Variants in SPON1 observed in about 807,000 individuals in gnomAD.
SPON1 encodes the protein spondin-1.
In SPON1, 52 loss-of-function variants were observed where a neutral mutation model predicts 111.7. The observed-to-expected ratio is 0.47, with a 90% CI of 0.37 to 0.59. SPON1 has a LOEUF of 0.59. Ranked by LOEUF, SPON1 falls within the 20% of genes least tolerant of loss-of-function variation. The pLI is 0.00. For synonymous variants in SPON1, 410 were observed against 395.8 expected (o/e 1.04, Z -0.43); for missense variants, 957 against 1,068.5 (o/e 0.90, Z 1.46).
chr11:14,191,033 A>G (rs1419449054), intron 6 of SPON1, among the ~76,000 whole-genome samples: 2 of 152,216 alleles, frequency 1.3e-5, no homozygotes, highest in African/African-American at 4.8e-5. Flanking sequence ...AAAAAAGAGC[A>G]TTGTTCTAAA....
intron 2 of SPON1, among the ~76,000 whole-genome samples, chr11:13,990,997 C>A (rs1192193603): frequency 6.6e-6 from 1 of 152,092 alleles, no homozygotes; most frequent in Non-Finnish European, 1.5e-5. Flanking sequence ...CTCTGGCTGC[C>A]CTTAACATTT....
intron 6 of SPON1, among the ~76,000 whole-genome samples, chr11:14,163,929 C>G (rs546218495): frequency 6.6e-6 from 1 of 152,180 alleles, no homozygotes; most frequent in East Asian, 1.9e-4. Context: ...ATAGTGGAGA[C>G]TTGTGCTCTA....
intron 2 of SPON1, among the ~76,000 whole-genome samples, chr11:14,002,451 C>A (rs1554912547): frequency 6.6e-6 from 1 of 152,012 alleles, no homozygotes; most frequent in Non-Finnish European, 1.5e-5. Context: ...ACCTGAAACA[C>A]AGTCAACAAA....
At chr11:14,041,833 A>G (rs1848633919) in intron 3 of SPON1, among the ~76,000 whole-genome samples, 179 bp downstream of exon 3, 1 of 152,078 alleles carries the variant, frequency 6.6e-6, no homozygotes, top group South Asian at 2.1e-4. Flanking sequence ...ATAAAGATTC[A>G]TTTGCTAGAA....
intron 6 of SPON1, among the ~76,000 whole-genome samples, chr11:14,212,429 G>T (rs549673751): frequency 6.6e-6 from 1 of 152,208 alleles, no homozygotes; most frequent in African/African-American, 2.4e-5. Context: ...CATTTGTTCA[G>T]GTTTTCAGTC....
chr11:14,052,226 A>G (rs1485945427), intron 3 of SPON1, among the ~76,000 whole-genome samples: 2 of 152,252 alleles, frequency 1.3e-5, no homozygotes, highest in African/African-American at 4.8e-5. Flanking sequence ...AAGACTTGTT[A>G]GTGGGAAGAG....
chr11:14,255,069 A>G (rs1012473370), intron 8 of SPON1, among the ~76,000 whole-genome samples: 8 of 152,194 alleles, frequency 5.3e-5, no homozygotes, highest in Admixed American at 4.6e-4. Context: ...GATATGATCT[A>G]TTGCATTGAA....
intron 11 of SPON1, 139 bp downstream of exon 11, chr11:14,258,037 C>T: frequency 4.4e-6 from 3 of 686,606 alleles, no homozygotes; most frequent in Non-Finnish European, 6.8e-6. Flanking sequence ...TGGGCAAACT[C>T]CTATCTGCAA....
intron 2 of SPON1, among the ~76,000 whole-genome samples, chr11:14,029,000 C>T (rs1404583535): frequency 6.6e-6 from 1 of 152,072 alleles, no homozygotes; most frequent in Non-Finnish European, 1.5e-5. Context: ...GATTACCCAC[C>T]CCTGAAAAAT....
chr11:14,218,540 T>A (rs1848648940), intron 6 of SPON1, among the ~76,000 whole-genome samples: 1 of 152,198 alleles, frequency 6.6e-6, no homozygotes, highest in African/African-American at 2.4e-5. Flanking sequence ...AAATGAGTGG[T>A]GAATGAATGA....
chr11:14,263,171 A>C, intron 15 of SPON1, 196 bp downstream of exon 15: 1 of 601,200 alleles, frequency 1.7e-6, no homozygotes, highest in Non-Finnish European at 2.8e-6. Context: ...TAATTTATAA[A>C]GGAGATTGGC....
chr11:13,982,982 G>A (rs1848156022), intron 2 of SPON1, 29 bp downstream of exon 2: 1 of 1,415,976 alleles, frequency 7.1e-7, no homozygotes, highest in African/African-American at 1.4e-5. Flanking sequence ...TTATTCAGTG[G>A]CCCTCCCTGC....
intron 1 of SPON1, among the ~76,000 whole-genome samples, chr11:13,978,052 T>A (rs1554909193): frequency 6.6e-6 from 1 of 152,154 alleles, no homozygotes; most frequent in Non-Finnish European, 1.5e-5. Context: ...TCCTTTGTCA[T>A]AAACCAAGCT....
At chr11:14,130,120 A>C (rs782089532) in intron 5 of SPON1, among the ~76,000 whole-genome samples, 5 of 152,216 alleles carry the variant, frequency 3.3e-5, no homozygotes, top group Admixed American at 6.5e-5. Flanking sequence ...CATATGAAGA[A>C]ACTGAGGCCC....
At chr11:14,090,199 GAA>G (rs3047374) in intron 5 of SPON1, among the ~76,000 whole-genome samples, 18,379 of 113,218 alleles carry the variant, frequency 0.16, 1,564 homozygotes, top group African/African-American at 0.27. Context: ...ACTAGGGTAT[GAA>G]AAAAAAAAAA....
At chr11:13,982,290 C>G (rs1278963811) in intron 1 of SPON1, among the ~76,000 whole-genome samples, 1 of 152,134 alleles carries the variant, frequency 6.6e-6, no homozygotes, top group Non-Finnish European at 1.5e-5. Flanking sequence ...GCCTTATCTG[C>G]AGGGGGCTAC....
chr11:14,031,365 G>A (rs549053544), intron 2 of SPON1, among the ~76,000 whole-genome samples: 19 of 152,316 alleles, frequency 1.2e-4, no homozygotes, highest in Non-Finnish European at 2.8e-4. Context: ...AAGTTAGGCT[G>A]GAAGATGGGG....
chr11:14,043,737 A>G (rs1387743385), intron 3 of SPON1, among the ~76,000 whole-genome samples: 2 of 152,112 alleles, frequency 1.3e-5, no homozygotes, highest in Non-Finnish European at 2.9e-5. Context: ...TGTTCTTACA[A>G]CCCAGAAGCA....
intron 6 of SPON1, among the ~76,000 whole-genome samples, chr11:14,171,064 G>T (rs527453141): frequency 2.8e-4 from 42 of 152,300 alleles, no homozygotes; most frequent in African/African-American, 9.9e-4. Context: ...GTTTCAGAAG[G>T]AATGGTACCA....
Sources: allele counts gnomAD v4.1 joint callset (sites outside exome capture counted in the v4.1 genomes callset), GRCh38; gene constraint gnomAD v4.1.1; transcripts MANE v1.5; gene names NCBI Gene and HGNC (gene_info 2026-07-23, HGNC 2026-07-21).